Variants in ATP10B observed in about 807,000 individuals in gnomAD.
ATP10B encodes the protein ATPase phospholipid transporting 10B (putative), also known as phospholipid-transporting ATPase VB.
In ATP10B, 122 loss-of-function variants were observed where a neutral mutation model predicts 141.2. The ratio of observed to expected loss-of-function variants is 0.86; its 90% CI spans 0.75 to 1.00. The LOEUF is 1.00. ATP10B is among the 50% of genes least tolerant of loss of function. The pLI is 0.00. For synonymous variants in ATP10B, 685 were observed against 692.0 expected (o/e 0.99, Z 0.16); for missense variants, 1,876 against 1,825.3 (o/e 1.03, Z -0.51).
At chr5:160,890,533 T>C in the ATP10B span, among the ~76,000 whole-genome samples, 114 of 147,434 alleles carry the variant, frequency 7.7e-4, 1 homozygote, top group African/African-American at 2.6e-3. Context: ...AGTGCTATTA[T>C]ATAACATGTG....
intron 1 of ATP10B, among the ~76,000 whole-genome samples, chr5:160,837,834 C>T (rs1775552698): frequency 6.6e-6 from 1 of 152,126 alleles, no homozygotes; most frequent in Non-Finnish European, 1.5e-5. Context: ...GGAGATACGC[C>T]TGTACTTGTT....
intron 1 of ATP10B, among the ~76,000 whole-genome samples, chr5:160,814,529 G>A (rs10041687): frequency 0.14 from 20,414 of 146,892 alleles, 1,778 homozygotes; most frequent in African/African-American, 0.17. Context: ...TGAAAGTGAC[G>A]GGGAGAACGG....
At chr5:160,824,589 C>T (rs1774432148) in intron 1 of ATP10B, among the ~76,000 whole-genome samples, 1 of 152,084 alleles carries the variant, frequency 6.6e-6, no homozygotes, top group South Asian at 2.1e-4. Context: ...TAGCCTACTA[C>T]ACACCTAGGG....
chr5:160,684,637 A>G (rs1763640388), intron 6 of ATP10B, among the ~76,000 whole-genome samples: 1 of 152,222 alleles, frequency 6.6e-6, no homozygotes, highest in South Asian at 2.1e-4. Flanking sequence ...AAGACCTCCT[A>G]ATTTTAAAAG....
At position 160,632,377 on chromosome 5, in the gene ATP10B, A is replaced by G; in HGVS notation, c.1382-10T>C. The G allele has an allele frequency of 6.2e-7, 1 of 1,612,380 alleles. No individual in the cohort carries two copies. The highest frequency in any genetic ancestry group is 8.5e-7 in the Non-Finnish European group (1 of 1,178,426). On this transcript the variant is annotated splice_polypyrimidine_tract_variant and intron_variant, in intron 12 of 25. Coordinates refer to ENST00000327245, the MANE Select transcript of ATP10B (RefSeq NM_025153.3). Reference sequence around the variant, plus strand: ...GTCTCCAGTCGCTTAGCTGCAAGAAAGGAGTCCTGTTATTGCACTAGTTGT... The same window carrying G: ...GTCTCCAGTCGCTTAGCTGCAAGAAGGGAGTCCTGTTATTGCACTAGTTGT...
intron 2 of ATP10B, among the ~76,000 whole-genome samples, chr5:160,751,147 C>T (rs1445085925): frequency 2.0e-5 from 3 of 152,230 alleles, no homozygotes; most frequent in Non-Finnish European, 4.4e-5. Context: ...TTATTAAGCA[C>T]AGCACCAGGC....
chr5:160,762,974 A>G lies in ATP10B; in HGVS notation c.-331+22585T>C, dbSNP rs576689031. ...ACAGCTAAAAAAGGCAAAGAGGGACATTATATAATGATAAAAGGATTAGTC... is the reference window on the plus strand; with the variant it reads ...ACAGCTAAAAAAGGCAAAGAGGGACGTTATATAATGATAAAAGGATTAGTC... On this transcript the variant is annotated intron_variant, in intron 2 of 25. Transcript: ENST00000327245. Among the ~76,000 whole-genome samples the G allele has an allele frequency of 5.9e-5, 9 of 152,210 alleles. No homozygotes were observed. In the South Asian group the frequency reaches 1.0e-3, roughly 17 times the overall value.
intron 24 of ATP10B, among the ~76,000 whole-genome samples, chr5:160,570,443 T>A (rs142865234): frequency 6.6e-6 from 1 of 152,204 alleles, no homozygotes; most frequent in Non-Finnish European, 1.5e-5. Context: ...TCAATAAGTC[T>A]AAACAAGCAA....
At chr5:160,570,278 T>G (rs1299913911) in intron 24 of ATP10B, among the ~76,000 whole-genome samples, 1 of 152,208 alleles carries the variant, frequency 6.6e-6, no homozygotes, top group African/African-American at 2.4e-5. Flanking sequence ...CATCCATGAC[T>G]TTAAATATTT....
intron 17 of ATP10B, among the ~76,000 whole-genome samples, chr5:160,613,342 G>A (rs1369677564): frequency 6.6e-6 from 1 of 152,188 alleles, no homozygotes; most frequent in Non-Finnish European, 1.5e-5. Flanking sequence ...TGCAGAAATG[G>A]AGGCAGAGCA....
chr5:160,827,039 CT>C (rs963609925), intron 1 of ATP10B, among the ~76,000 whole-genome samples: 2 of 152,174 alleles, frequency 1.3e-5, no homozygotes, highest in African/African-American at 4.8e-5. Context: ...CTTTGTTCTC[CT>C]TTTTGCCATT....
intron 1 of ATP10B, among the ~76,000 whole-genome samples, chr5:160,838,745 G>C (rs1775627711): frequency 6.6e-6 from 1 of 152,092 alleles, no homozygotes; most frequent in South Asian, 2.1e-4. Flanking sequence ...GAAATGAAAT[G>C]AAGGCCAAGA....
chr5:160,808,185 C>T (rs905640315), intron 1 of ATP10B, among the ~76,000 whole-genome samples: 5 of 152,120 alleles, frequency 3.3e-5, no homozygotes, highest in African/African-American at 4.8e-5. Context: ...TATTAGAATG[C>T]GTTGAATTAT....
chr5:160,684,204 G>A (rs968434231), intron 6 of ATP10B, among the ~76,000 whole-genome samples: 19 of 152,312 alleles, frequency 1.2e-4, no homozygotes, highest in African/African-American at 4.3e-4. Flanking sequence ...TGAAGGAAAC[G>A]TTGGGTTTGA....
chr5:160,667,196 C>T (rs1006180705), intron 7 of ATP10B, among the ~76,000 whole-genome samples: 2 of 151,902 alleles, frequency 1.3e-5, no homozygotes, highest in African/African-American at 2.4e-5. Flanking sequence ...CCAGCTTGGG[C>T]GACAGAGCAA....
rs1754364015 is a variant in ATP10B, at chr5:160,563,435, T to C, written c.*2018A>G. The C allele has an allele frequency of 6.6e-6, 1 of 152,090 alleles. No homozygotes were observed. The highest frequency in any genetic ancestry group is 2.4e-5 in the African/African-American group (1 of 41,414). 9.4% of individuals were successfully genotyped at this position (152,090 alleles called of 1,614,324 possible). The stretch of plus-strand genomic sequence containing the variant: ...TACAAGAAAAAGAGCAGCATCAGAG[T>C]GTTGGCTATAGTTTGGAACTTAGGA... On this transcript the variant is annotated 3_prime_UTR_variant, in exon 26 of 26. Coordinates refer to ENST00000327245, the MANE Select transcript of ATP10B (RefSeq NM_025153.3).
chr5:160,608,499 C>T (rs904729178), intron 18 of ATP10B, among the ~76,000 whole-genome samples: 9 of 152,152 alleles, frequency 5.9e-5, no homozygotes, highest in Admixed American at 1.3e-4. Flanking sequence ...CTTGAGGAAT[C>T]GCCGCACTGT....
chr5:160,700,967 C>T (rs1764635275), intron 3 of ATP10B, among the ~76,000 whole-genome samples: 2 of 152,088 alleles, frequency 1.3e-5, no homozygotes, highest in African/African-American at 4.8e-5. Flanking sequence ...CTCTCATATC[C>T]AATCAATTAT....
intron 18 of ATP10B, among the ~76,000 whole-genome samples, chr5:160,608,296 A>G (rs1757514510): frequency 6.6e-6 from 1 of 152,164 alleles, no homozygotes; most frequent in South Asian, 2.1e-4. Flanking sequence ...TCCATGGTGT[A>G]TATGTGCCAC....
Sources: allele counts gnomAD v4.1 joint callset (sites outside exome capture counted in the v4.1 genomes callset), GRCh38; gene constraint gnomAD v4.1.1; transcripts MANE v1.5; gene names NCBI Gene and HGNC (gene_info 2026-07-23, HGNC 2026-07-21).